Variants in NAALADL2 observed in about 807,000 individuals in gnomAD.
NAALADL2 encodes inactive N-acetylated-alpha-linked acidic dipeptidase-like protein 2.
In NAALADL2, 76 loss-of-function variants were observed where a neutral mutation model predicts 87.2. The ratio of observed to expected loss-of-function variants is 0.87; its 90% CI spans 0.72 to 1.05. The LOEUF is 1.05. Ranked by LOEUF, NAALADL2 falls within the 50% of genes least tolerant of loss-of-function variation. NAALADL2 has a pLI of 0.00. For synonymous variants in NAALADL2, 354 were observed against 331.0 expected (o/e 1.07, Z -0.75); for missense variants, 1,089 against 945.8 (o/e 1.15, Z -1.99).
chr3:174,835,728 A>G (rs1044951576), intron 3 of NAALADL2, among the ~76,000 whole-genome samples: 20 of 152,188 alleles, frequency 1.3e-4, no homozygotes, highest in African/African-American at 4.8e-4. Flanking sequence ...AAGATATACA[A>G]ATGACCAACA....
At chr3:174,959,505 T>C (rs1351283413) in intron 1 of NAALADL2, among the ~76,000 whole-genome samples, 2 of 151,938 alleles carry the variant, frequency 1.3e-5, no homozygotes, top group African/African-American at 2.4e-5. Context: ...TTTAACAAGA[T>C]TGCTGAGCAC....
At chr3:174,603,637 T>C (rs1049908851) in intron 2 of NAALADL2, among the ~76,000 whole-genome samples, 2 of 152,052 alleles carry the variant, frequency 1.3e-5, no homozygotes, top group Admixed American at 6.6e-5. Context: ...TGGTTTGTTC[T>C]TGCTTTTCTA....
chr3:174,748,485 C>T (rs62287774), intron 3 of NAALADL2, among the ~76,000 whole-genome samples: 3 of 151,966 alleles, frequency 2.0e-5, no homozygotes, highest in Admixed American at 6.6e-5. Flanking sequence ...CAAGTGAAAT[C>T]CATTTCAAAC....
At chr3:175,077,885 C>T (rs2109207425) in intron 1 of NAALADL2, among the ~76,000 whole-genome samples, 1 of 152,234 alleles carries the variant, frequency 6.6e-6, no homozygotes, top group African/African-American at 2.4e-5. Flanking sequence ...CGTTTCCCTA[C>T]CTGAAAGTTT....
At chr3:175,355,550 T>C (rs1489739802) in intron 5 of NAALADL2, among the ~76,000 whole-genome samples, 2 of 152,188 alleles carry the variant, frequency 1.3e-5, no homozygotes, top group Admixed American at 1.3e-4. Context: ...TGTATCAAAA[T>C]TCTTGAGTCT....
rs866135631 is a variant in NAALADL2, at chr3:174,831,832, C to A, written c.-9+94086C>A. Among the ~76,000 whole-genome samples, 534 of 150,776 alleles carry A rather than the reference C, an allele frequency of 3.5e-3. 2 individuals are homozygous for A. The highest frequency in any genetic ancestry group is 0.02 in the Middle Eastern group (6 of 294). On this transcript the variant is annotated intron_variant, in intron 3 of 3. Transcript: ENST00000434257. ...AGATTCAACTTCTTCCTGGTTTAGT[C>A]TTGGGAGAGTGTATGTGTCGAGGAA... is the stretch of plus-strand genomic sequence containing the variant.
intron 9 of NAALADL2, among the ~76,000 whole-genome samples, chr3:175,486,547 A>G (rs1727287420): frequency 6.6e-6 from 1 of 152,078 alleles, no homozygotes. Flanking sequence ...GTTTTTCGTC[A>G]TCTTCAGGCT....
chr3:174,577,586 A>AT (rs1715673806), intron 2 of NAALADL2, among the ~76,000 whole-genome samples: 1 of 152,160 alleles, frequency 6.6e-6, no homozygotes, highest in African/African-American at 2.4e-5. Flanking sequence ...CTTTGCAGAG[A>AT]TTTTAACTGC....
rs574938675 is a variant in NAALADL2, at chr3:175,306,746, T to C, written c.940-17429T>C. ...CTGTAGTCCTAGCTACTAGGGAGGC[T>C]GAGGCAGGAGGATCGCTTGAACCCT... On this transcript the variant is annotated intron_variant, in intron 4 of 13. Coordinates refer to ENST00000454872, the MANE Select transcript of NAALADL2 (RefSeq NM_207015.3). Among the ~76,000 whole-genome samples, 3 of 152,168 alleles carry C rather than the reference T, an allele frequency of 2.0e-5. No homozygotes were observed. In the South Asian group the frequency reaches 6.2e-4, roughly 31 times the overall value.
intron 11 of NAALADL2, chr3:175,718,118 G>T: frequency 1.1e-6 from 1 of 907,902 alleles, no homozygotes; most frequent in Non-Finnish European, 1.6e-6. Context: ...AGGTCTACAA[G>T]ACGTATCTAG....
At chr3:175,591,826 A>G (rs897760651) in intron 10 of NAALADL2, among the ~76,000 whole-genome samples, 3 of 119,798 alleles carry the variant, frequency 2.5e-5, no homozygotes, top group Non-Finnish European at 5.3e-5. Context: ...ATATATATAT[A>G]TGTATGAAAA....
chr3:175,344,355 T>C (rs1309554449), intron 5 of NAALADL2, among the ~76,000 whole-genome samples: 1 of 151,820 alleles, frequency 6.6e-6, no homozygotes, highest in African/African-American at 2.4e-5. Context: ...TTACACAATA[T>C]GGTAGAAGTA....
chr3:175,380,799 A>G (rs1201112975), intron 5 of NAALADL2, among the ~76,000 whole-genome samples: 1 of 152,116 alleles, frequency 6.6e-6, no homozygotes, highest in Non-Finnish European at 1.5e-5. Flanking sequence ...TTTGCCTATG[A>G]CACTTTCCAT....
rs1276819036 is a variant in NAALADL2 at position 174,764,552 on chromosome 3, A to G, written c.-9+26806A>G. 2.0e-5 allele frequency among the ~76,000 whole-genome samples: 3 copies of G among 152,164 alleles called. No homozygotes were observed. The East Asian group carries it at 5.8e-4, about 29-fold the overall frequency. Reference sequence around the variant, plus strand: ...TTGAACCCAGGAGGTGTAGGTTGCAATGAGCCAAGATTGTGCCATTGCACT... The same window carrying G: ...TTGAACCCAGGAGGTGTAGGTTGCAGTGAGCCAAGATTGTGCCATTGCACT... On this transcript the variant is annotated intron_variant, in intron 3 of 3. Transcript: ENST00000434257.
At chr3:174,927,325 C>A (rs1736215036) in intron 1 of NAALADL2, among the ~76,000 whole-genome samples, 2 of 152,142 alleles carry the variant, frequency 1.3e-5, no homozygotes, top group South Asian at 2.1e-4. Flanking sequence ...TAAGGATATC[C>A]AGAAATTGAA....
chr3:175,120,170 G>A (rs1054302231), intron 2 of NAALADL2, among the ~76,000 whole-genome samples: 8 of 151,602 alleles, frequency 5.3e-5, no homozygotes, highest in African/African-American at 1.9e-4. Flanking sequence ...CTGAGAAAAA[G>A]ATGATTTTAA....
chr3:174,854,647 C>T (rs1290812941), upstream of NAALADL2, among the ~76,000 whole-genome samples: 1 of 151,782 alleles, frequency 6.6e-6, no homozygotes, highest in Non-Finnish European at 1.5e-5. Context: ...TTACCACATA[C>T]ATAGGTACAA....
chr3:175,791,654 G>A (rs1007560782), intron 13 of NAALADL2, among the ~76,000 whole-genome samples: 3 of 151,998 alleles, frequency 2.0e-5, no homozygotes, highest in African/African-American at 7.3e-5. Flanking sequence ...TTTCTATAAT[G>A]GGATCTTGGA....
chr3:175,088,455 T>TAATA (rs1178440396), intron 1 of NAALADL2, among the ~76,000 whole-genome samples: 4 of 152,160 alleles, frequency 2.6e-5, no homozygotes, highest in Non-Finnish European at 5.9e-5. Context: ...AAAAGCTATT[T>TAATA]CGGAAAATAA....
Sources: allele counts gnomAD v4.1 joint callset (sites outside exome capture counted in the v4.1 genomes callset), GRCh38; gene constraint gnomAD v4.1.1; transcripts MANE v1.5; gene names NCBI Gene and HGNC (gene_info 2026-07-23, HGNC 2026-07-21).